Variants in TRIM66 observed in about 807,000 individuals in gnomAD.
TRIM66 encodes the protein tripartite motif-containing protein 66.
TRIM66 carries 99 observed loss-of-function variants against 148.2 expected under a neutral mutation model. The ratio of observed to expected loss-of-function variants is 0.67; its 90% CI spans 0.57 to 0.79. The LOEUF is 0.79. Ranked by LOEUF, TRIM66 falls within the 30% of genes least tolerant of loss-of-function variation. The pLI is 0.00. For synonymous variants in TRIM66, 616 were observed against 635.9 expected (o/e 0.97, Z 0.47); for missense variants, 1,666 against 1,697.9 (o/e 0.98, Z 0.33).
chr11:8,643,108 G>C lies in TRIM66; in HGVS notation c.1123C>G (p.Arg375Gly), dbSNP rs779914082. 6.4e-7 allele frequency: 1 copy of C among 1,550,408 alleles called. No homozygotes were observed. Among genetic ancestry groups the C allele is most frequent in the South Asian group, 1.2e-5 (1 of 83,866 alleles). The change falls in exon 13 of 25, where the codon CGA becomes GGA. Residue 375 changes from arginine (R) to glycine (G), a missense_variant. Physicochemically the swap from Arg to Gly is moderately radical, Grantham distance 125. This residue lies in a region of TRIM66 where 1,431 missense variants were observed against 1,412.4 expected (regional missense o/e 1.01). Coordinates refer to ENST00000646038, the MANE Select transcript of TRIM66 (RefSeq NM_001388022.1). ...GTGTTACAACTTGTCTCCAGCAATC[G>C]CTGCATCTGAAACACAATCTGACAA... ...SKELIVFQMQ[R>G]LLETSCNTDP... is the part of the protein sequence containing the mutation.
intron 6 of TRIM66, among the ~76,000 whole-genome samples, chr11:8,655,063 T>C (rs2037703268): frequency 6.6e-6 from 1 of 152,114 alleles, no homozygotes. Context: ...TTTCACCATG[T>C]TGGCCAGGCT....
At chr11:8,683,188 CT>C (rs1177035593), upstream of TRIM66, 1 of 1,614,074 alleles carries the variant, frequency 6.2e-7, no homozygotes, top group Non-Finnish European at 8.5e-7. Flanking sequence ...TACCACCAAG[CT>C]TTTTCCACAC....
chr11:8,646,987 G>A (rs1378847355), intron 10 of TRIM66, among the ~76,000 whole-genome samples: 1 of 150,592 alleles, frequency 6.6e-6, no homozygotes, highest in Non-Finnish European at 1.5e-5. Flanking sequence ...GGAATGGAGA[G>A]TGACTAATAA....
intron 12 of TRIM66, among the ~76,000 whole-genome samples, chr11:8,643,822 C>G (rs2036613725): frequency 2.0e-5 from 3 of 152,168 alleles, no homozygotes; most frequent in African/African-American, 7.2e-5. Flanking sequence ...ACCCTTCTGT[C>G]CTACTCAATA....
intron 6 of TRIM66, among the ~76,000 whole-genome samples, chr11:8,654,895 C>A (rs2037680756): frequency 1.3e-5 from 2 of 152,044 alleles, no homozygotes; most frequent in African/African-American, 4.8e-5. Context: ...GAGTCTTGCT[C>A]TGTCACCCAG....
At chr11:8,653,519 G>C (rs7930642) in intron 6 of TRIM66, among the ~76,000 whole-genome samples, 2,344 of 152,222 alleles carry the variant, frequency 0.015, 67 homozygotes, top group African/African-American at 0.054. Context: ...TCATAGACCA[G>C]CCAGCCCCAA....
intron 6 of TRIM66, 191 bp downstream of exon 6, chr11:8,671,595 A>T (rs1038377571): frequency 4.9e-5 from 28 of 570,016 alleles, no homozygotes; most frequent in Non-Finnish European, 7.2e-5. Flanking sequence ...GTTCCAGCTT[A>T]CAAAACAGAT....
At chr11:8,647,948 G>A (rs1201123856) in intron 10 of TRIM66, 22 bp downstream of exon 10, 24 of 1,531,222 alleles carry the variant, frequency 1.6e-5, no homozygotes, top group Middle Eastern at 1.7e-4. Context: ...TCCAGCACTG[G>A]CAAGGCACTA....
At position 8,612,982 on chromosome 11, in the gene TRIM66, C is replaced by T. The variant is rs2033489532; in HGVS notation, c.*4962G>A. On this transcript the variant is annotated 3_prime_UTR_variant, in exon 25 of 25. Coordinates refer to ENST00000646038, the MANE Select transcript of TRIM66 (RefSeq NM_001388022.1). Reference sequence around the variant, plus strand: ...GACTTAGATGGGGTCTCTTAGCAAACAGGCTAAAACCTCTGTGTTGTCTGG... The same window carrying T: ...GACTTAGATGGGGTCTCTTAGCAAATAGGCTAAAACCTCTGTGTTGTCTGG... 1 of 152,222 alleles carries T rather than the reference C, an allele frequency of 6.6e-6. No homozygotes were observed. The highest frequency in any genetic ancestry group is 1.5e-5 in the Non-Finnish European group (1 of 68,054). The allele number at this position is 152,222 out of a possible 1,614,324, so 9.4% of individuals were successfully genotyped here. A position where few individuals can be genotyped will look rare whatever the true frequency, so the allele number is the denominator to read the frequency against.
intron 4 of TRIM66, among the ~76,000 whole-genome samples, chr11:8,674,044 T>G (rs780519268): frequency 2.0e-5 from 3 of 152,236 alleles, no homozygotes; most frequent in Non-Finnish European, 2.9e-5. Context: ...AAAACAGCCA[T>G]AGCAGCAGCA....
intron 23 of TRIM66, 190 bp downstream of exon 23, chr11:8,619,193 T>C: frequency 2.6e-6 from 2 of 761,728 alleles, no homozygotes. Context: ...GTACCTCCCC[T>C]TTTTCCTGAG....
intron 15 of TRIM66, among the ~76,000 whole-genome samples, chr11:8,628,604 C>A (rs534002116): frequency 5.8e-4 from 50 of 86,218 alleles, no homozygotes; most frequent in African/African-American, 1.6e-3. Context: ...CAGAGGAAGA[C>A]CCTGTCTCAA....
chr11:8,645,991 A>C (rs2036813787), intron 11 of TRIM66, 104 bp from the exon 12 acceptor site: 1 of 1,138,464 alleles, frequency 8.8e-7, no homozygotes. Context: ...GAATCAGATG[A>C]GACTACACCC....
intron 15 of TRIM66, among the ~76,000 whole-genome samples, chr11:8,636,688 A>T (rs1232179657): frequency 6.6e-6 from 1 of 151,850 alleles, no homozygotes; most frequent in East Asian, 1.9e-4. Flanking sequence ...CTCCATTCCT[A>T]TTGCTATTGA....
intron 7 of TRIM66, among the ~76,000 whole-genome samples, chr11:8,651,255 T>C (rs2037330271): frequency 6.6e-6 from 1 of 152,030 alleles, no homozygotes; most frequent in African/African-American, 2.4e-5. Flanking sequence ...CAGGAACAAG[T>C]AAGTAAATTA....
intron 15 of TRIM66, among the ~76,000 whole-genome samples, chr11:8,638,341 G>A (rs1186102427): frequency 6.6e-6 from 1 of 152,226 alleles, no homozygotes; most frequent in Non-Finnish European, 1.5e-5. Flanking sequence ...GTGAGATAAT[G>A]CTGGTGAAGC....
At chr11:8,646,135 C>A (rs953058513) in intron 11 of TRIM66, among the ~76,000 whole-genome samples, 4 of 152,176 alleles carry the variant, frequency 2.6e-5, no homozygotes, top group Admixed American at 2.0e-4. Flanking sequence ...TAAATGTCTA[C>A]ATCTCTTGGG....
At chr11:8,636,204 G>A (rs1029342863) in intron 15 of TRIM66, among the ~76,000 whole-genome samples, 3 of 151,616 alleles carry the variant, frequency 2.0e-5, no homozygotes, top group African/African-American at 4.9e-5. Flanking sequence ...CAGCTTTAAC[G>A]CATGATTTCA....
intron 3 of TRIM66, chr11:8,679,360 T>C (rs1284706804): frequency 1.3e-5 from 2 of 152,144 alleles, no homozygotes; most frequent in Admixed American, 6.5e-5. Flanking sequence ...GATCAAGCCA[T>C]TGATGAGAAG....
Sources: gnomAD v4.1 joint callset for allele counts (sites outside exome capture counted in the v4.1 genomes callset) on GRCh38, gnomAD v4.1.1 for gene constraint, gnomAD v4.1.1 regional missense constraint, MANE v1.5 for transcripts, NCBI Gene and HGNC (gene_info 2026-07-23, HGNC 2026-07-21) for gene names.